The following EML1 variants were observed in gnomAD, a reference collection of about 807,000 sequenced individuals.
The protein encoded by EML1 is echinoderm microtubule-associated protein-like 1.
A neutral mutation model predicts 110.4 loss-of-function variants in EML1; 27 were observed. That is an observed-to-expected ratio of 0.24 (90% CI 0.18 to 0.34). EML1 has a LOEUF of 0.34. Among genes scored for constraint, EML1 ranks in the 10% least tolerant of loss-of-function variants. The pLI, the probability that EML1 is intolerant of heterozygous loss-of-function variation, is 1.00. For missense variants in EML1, 741 were observed against 1,030.9 expected, an observed-to-expected ratio of 0.72 and a Z score of 3.85; for synonymous variants, 344 against 385.8, an observed-to-expected ratio of 0.89 and a Z score of 1.27.
At chr14:99,926,483 C>T (rs1438170948) in intron 17 of EML1, among the ~76,000 whole-genome samples, 1 of 151,908 alleles carries the variant, frequency 6.6e-6, no homozygotes, top group Non-Finnish European at 1.5e-5. Context: ...CAGGGTTTTG[C>T]CAGATTGGCC....
intron 1 of EML1, chr14:99,839,098 C>A (rs2058593072): frequency 6.6e-6 from 1 of 151,930 alleles, no homozygotes. Context: ...CTTAAATACT[C>A]AACTAGAGAA....
chr14:99,928,327 C>G lies in EML1; in HGVS notation c.1909+7450C>G, dbSNP rs114182155. 2.5e-3 allele frequency among the ~76,000 whole-genome samples: 379 copies of G among 151,090 alleles called. 4 individuals carry two copies. The highest frequency in any genetic ancestry group is 8.0e-3 in the African/African-American group (328 of 41,030). ...TGTCTGTTATATTAGGTGGAAGTTA[C>G]TCTAGTTGGCTCCTGGGTCCTTTTG... On this transcript the variant is annotated intron_variant, in intron 17 of 21. Coordinates refer to ENST00000262233, the MANE Select transcript of EML1 (RefSeq NM_004434.3).
In EML1 at chr14:99,939,455, G is replaced by A; in HGVS notation, c.2322+128G>A. The A allele has an allele frequency of 6.9e-7, 1 of 1,446,772 alleles. No individual in the cohort carries two copies. Among genetic ancestry groups the A allele is most frequent in the Non-Finnish European group, 9.3e-7 (1 of 1,074,038 alleles). The allele number at this position is 1,446,772 out of a possible 1,614,324, so 89.6% of individuals were successfully genotyped here. Reference sequence around the variant, plus strand: ...CAGCCACAAAGGCAGATGTGACTCTGTTCTTTGCGCCCTGAGCACTTCCAG... The same window carrying A: ...CAGCCACAAAGGCAGATGTGACTCTATTCTTTGCGCCCTGAGCACTTCCAG... On this transcript the variant is annotated intron_variant, in intron 21 of 21. Coordinates refer to ENST00000262233, the MANE Select transcript of EML1 (RefSeq NM_004434.3). This position sits in a 1 kb window ranked among gnomAD's most constrained non-coding sequence, Gnocchi z 4.2.
At chr14:99,836,017 C>T (rs1402153008) in intron 1 of EML1, among the ~76,000 whole-genome samples, 2 of 151,702 alleles carry the variant, frequency 1.3e-5, no homozygotes, top group African/African-American at 4.8e-5. Context: ...TATTCTGGGT[C>T]TTTTGCCTTT....
At chr14:99,753,161 C>A (rs1287008019) in intron 1 of EML1, among the ~76,000 whole-genome samples, 1 of 145,308 alleles carries the variant, frequency 6.9e-6, no homozygotes, top group Non-Finnish European at 1.5e-5. Context: ...CGCAGGGAAG[C>A]AGCCGCAGCC....
chr14:99,859,941 T>C (rs2058973555), intron 2 of EML1, among the ~76,000 whole-genome samples: 1 of 152,244 alleles, frequency 6.6e-6, no homozygotes, highest in Admixed American at 6.5e-5. Flanking sequence ...TGCCGGGCAC[T>C]GTACTAGAAA....
At chr14:99,802,237 G>A (rs567387306) in intron 1 of EML1, among the ~76,000 whole-genome samples, 1 of 152,172 alleles carries the variant, frequency 6.6e-6, no homozygotes, top group African/African-American at 2.4e-5. Context: ...AGGGAAAGGA[G>A]TAGCGTGGCT....
Position 99,774,322 on chromosome 14 carries a change from C to A in EML1, c.-27+309C>A, listed in dbSNP as rs552091848. Among the ~76,000 whole-genome samples, 8 of 152,266 alleles carry A rather than the reference C, an allele frequency of 5.3e-5. No homozygotes were observed. The South Asian group carries it at 1.0e-3, about 20-fold the overall frequency. The stretch of plus-strand genomic sequence containing the variant: ...TGACCTCCACCCTAACCCGCATCCA[C>A]GCTCCTCACCACATTGTTCTTAGGC... On this transcript the variant is annotated intron_variant, in intron 1 of 22. Coordinates refer to the EML1 transcript ENST00000327921.
At chr14:99,855,782 G>A (rs1237756353) in intron 2 of EML1, among the ~76,000 whole-genome samples, 2 of 152,100 alleles carry the variant, frequency 1.3e-5, no homozygotes, top group Non-Finnish European at 2.9e-5. Flanking sequence ...ATAATTATTG[G>A]CTTCATTAAT....
upstream of EML1, among the ~76,000 whole-genome samples, chr14:99,770,045 G>T (rs185815150): frequency 6.6e-6 from 1 of 152,098 alleles, no homozygotes; most frequent in African/African-American, 2.4e-5. Context: ...CTTGTCCACC[G>T]GGTTTTGATG....
intron 1 of EML1, among the ~76,000 whole-genome samples, chr14:99,776,525 G>A (rs1329050505): frequency 1.3e-5 from 2 of 151,722 alleles, no homozygotes; most frequent in Non-Finnish European, 2.9e-5. Context: ...AACAAAACCT[G>A]TGAAATTAAT....
At chr14:99,821,836 A>G (rs1942536989) in intron 1 of EML1, among the ~76,000 whole-genome samples, 1 of 152,224 alleles carries the variant, frequency 6.6e-6, no homozygotes, top group South Asian at 2.1e-4. Context: ...CTACGTGCTA[A>G]TATGTCGGTT....
In EML1 at chr14:99,900,837, G is replaced by A. The variant is rs1011483292; in HGVS notation, c.898-92G>A. ...AAGATCTTTTGTTTTGACAAAGTCC[G>A]AGTTACTGCCCAAGTAATCTTGTAG... is the stretch of plus-strand genomic sequence containing the variant. On this transcript the variant is annotated intron_variant, in intron 8 of 21. Transcript: ENST00000262233. 28 of 1,072,490 alleles carry A rather than the reference G, an allele frequency of 2.6e-5. No homozygotes were observed. In the African/African-American group the frequency reaches 3.3e-4, roughly 13 times the overall value. The allele number at this position is 1,072,490 out of a possible 1,614,324, so 66.4% of individuals were successfully genotyped here.
At chr14:99,920,261 G>T (rs1694132365) in intron 16 of EML1, among the ~76,000 whole-genome samples, 1 of 152,176 alleles carries the variant, frequency 6.6e-6, no homozygotes, top group Admixed American at 6.5e-5. Context: ...TCTCCCATTT[G>T]CTCTGTGCTT....
intron 17 of EML1, among the ~76,000 whole-genome samples, chr14:99,921,213 G>T (rs1303209534): frequency 6.6e-6 from 1 of 152,140 alleles, no homozygotes; most frequent in African/African-American, 2.4e-5. Context: ...GAGGATAACA[G>T]CTTCCAGCTC....
chr14:99,757,475 G>A (rs925266376), intron 1 of EML1, among the ~76,000 whole-genome samples: 6 of 152,174 alleles, frequency 3.9e-5, no homozygotes, highest in Admixed American at 1.3e-4. Flanking sequence ...TAGGAGCCTC[G>A]TGGATAAACA....
chr14:99,934,353 T>G (rs533468903), intron 17 of EML1, among the ~76,000 whole-genome samples: 1 of 152,340 alleles, frequency 6.6e-6, no homozygotes, highest in South Asian at 2.1e-4. Context: ...ATTTGCCCCA[T>G]TCCTTCAGAA....
At chr14:99,898,758 A>C (rs1441038771) in intron 8 of EML1, among the ~76,000 whole-genome samples, 1 of 152,104 alleles carries the variant, frequency 6.6e-6, no homozygotes, top group Admixed American at 6.6e-5. Context: ...TCTCAAAAAA[A>C]AAAAAAAAAA....
At chr14:99,886,683 A>G (rs2059481421) in intron 4 of EML1, among the ~76,000 whole-genome samples, 1 of 152,168 alleles carries the variant, frequency 6.6e-6, no homozygotes, top group Admixed American at 6.5e-5. Context: ...CTTCTTACAC[A>G]TGTCACCACG....
Sources: gnomAD v4.1 joint callset for allele counts (sites outside exome capture counted in the v4.1 genomes callset) on GRCh38, gnomAD v4.1.1 for gene constraint, Gnocchi (gnomAD v3.1) non-coding constraint, MANE v1.5 for transcripts, NCBI Gene and HGNC (gene_info 2026-07-23, HGNC 2026-07-21) for gene names.